IFT140: variants seen among roughly 807,000 people sequenced by gnomAD.
IFT140 encodes intraflagellar transport protein 140 homolog.
A neutral mutation model predicts 164.6 loss-of-function variants in IFT140; 133 were observed. The ratio of observed to expected loss-of-function variants is 0.81; its 90% confidence interval spans 0.70 to 0.93. The LOEUF is 0.93. Among genes scored for constraint, IFT140 ranks in the 40% least tolerant of loss-of-function variants. The probability of loss-of-function intolerance (pLI) is 0.00; values close to 1 mark genes in which losing one functional copy is unlikely to be tolerated. For synonymous variants in IFT140, 860 were observed against 817.3 expected, an observed-to-expected ratio of 1.05 and a Z score of -0.89; for missense variants, 2,045 against 1,972.3, an observed-to-expected ratio of 1.04 and a Z score of -0.70.
In IFT140 at chr16:1,592,383, C is replaced by A. The variant is rs2035225293; in HGVS notation, c.492-65G>T. The A allele has an allele frequency of 2.5e-6, 4 of 1,611,324 alleles. No homozygotes were observed. The Admixed American group carries it at 5.0e-5, about 20-fold the overall frequency. Reference sequence around the variant, plus strand: ...CTCCTACAGCACCTCAGGGCTGGGGCCCCTCCTGGGTCAGGAGCAGCCCGC... The same window carrying A: ...CTCCTACAGCACCTCAGGGCTGGGGACCCTCCTGGGTCAGGAGCAGCCCGC... On this transcript the variant is annotated intron_variant, in intron 5 of 30. Transcript: ENST00000426508.
intron 10 of IFT140, among the ~76,000 whole-genome samples, chr16:1,585,924 C>A (rs1355825485): frequency 1.3e-5 from 2 of 152,096 alleles, no homozygotes; most frequent in African/African-American, 4.8e-5. Context: ...GCGCCCGCCA[C>A]CACGCCCGGC....
chr16:1,516,039 C>T (rs1427244207), intron 30 of IFT140, among the ~76,000 whole-genome samples: 1 of 150,296 alleles, frequency 6.7e-6, no homozygotes, highest in African/African-American at 2.4e-5. Context: ...ACTCCGGAGG[C>T]TGAGGCAGGA....
chr16:1,573,194 A>AT (rs1252580806), intron 13 of IFT140, among the ~76,000 whole-genome samples: 2 of 152,198 alleles, frequency 1.3e-5, no homozygotes, highest in African/African-American at 4.8e-5. Context: ...GGAGCCTAAT[A>AT]AATGCTTATG....
intron 4 of IFT140, among the ~76,000 whole-genome samples, chr16:1,594,981 G>T (rs1455893316): frequency 1.3e-5 from 2 of 152,218 alleles, no homozygotes; most frequent in Admixed American, 6.5e-5. Context: ...TTCAAATAAT[G>T]TCAGATTTAA....
chr16:1,566,072 C>A, intron 16 of IFT140, 89 bp downstream of exon 16: 2 of 1,316,194 alleles, frequency 1.5e-6, no homozygotes, highest in Non-Finnish European at 2.1e-6. Flanking sequence ...CTTTTGAAGG[C>A]GCGTTAACTT....
chr16:1,603,941 G>C (rs986243931), intron 3 of IFT140, among the ~76,000 whole-genome samples: 8 of 152,134 alleles, frequency 5.3e-5, no homozygotes, highest in Non-Finnish European at 8.8e-5. Flanking sequence ...TTGAAATCCT[G>C]AAGTTTTCCT....
rs996245828 is a variant in IFT140 at position 1,526,252 on chromosome 16, C to T, written c.2578-175G>A. On this transcript the variant is annotated intron_variant, in intron 20 of 30. Coordinates refer to ENST00000426508, the MANE Select transcript of IFT140 (RefSeq NM_014714.4). ...ACACCCACGGGGCATCCCCGTCCCACGGCTGGAGAGTGAGATGCACCACCA... is the reference window on the plus strand; with the variant it reads ...ACACCCACGGGGCATCCCCGTCCCATGGCTGGAGAGTGAGATGCACCACCA... 1.5e-4 allele frequency: 97 copies of T among 654,728 alleles called. 2 individuals are homozygous for T. The highest frequency in any genetic ancestry group is 1.5e-3 in the South Asian group (75 of 51,694). 40.6% of individuals were successfully genotyped at this position (654,728 alleles called of 1,614,324 possible).
chr16:1,537,798 C>T (rs920848494), intron 19 of IFT140, among the ~76,000 whole-genome samples: 3 of 152,206 alleles, frequency 2.0e-5, no homozygotes, highest in Non-Finnish European at 4.4e-5. Context: ...GGCAGGCGAG[C>T]CAGAGCCTGG....
Position 1,523,863 on chromosome 16 carries a change from C to T in IFT140, c.3235G>A (p.Val1079Met), listed in dbSNP as rs146537096. 30 of 1,613,490 alleles carry T rather than the reference C, an allele frequency of 1.9e-5. No homozygotes were observed. The highest frequency in any genetic ancestry group is 1.7e-4 in the Middle Eastern group (1 of 6,060). The part of the protein sequence containing the change: ...EAARYYEEKG[V>M]QMDRAVMLYH... ...AGCATGACCGCCCTGTCCATCTGCA[C>T]GCCCTTCTCCTCGTAGTATCGGGCC... Residue 1079 changes from valine (V) to methionine (M), a missense_variant, in exon 25 of 31, where the codon GTG becomes ATG. By Grantham distance (21) the Val-to-Met change is conservative. Transcript: ENST00000426508.
In IFT140 at chr16:1,531,461, T is replaced by C. The variant is rs1003074311; in HGVS notation, c.2400-4665A>G. 6 of 152,286 alleles carry C rather than the reference T, an allele frequency of 3.9e-5. No homozygotes were observed. Among genetic ancestry groups the C allele is most frequent in the Middle Eastern group, 3.4e-3 (1 of 296 alleles). The allele number at this position is 152,286 out of a possible 1,614,324, so 9.4% of individuals were successfully genotyped here. ...TAGGGCTCCCGCTCTGCTGGGTATA[T>C]GGGAGCCGCAGGCACATATGTGGGA... On this transcript the variant is annotated intron_variant, in intron 19 of 30. Transcript: ENST00000426508. This position sits in a 1 kb window ranked among gnomAD's most constrained non-coding sequence, Gnocchi z 4.7.
intron 19 of IFT140, chr16:1,554,831 C>T (rs746141739): frequency 1.9e-6 from 3 of 1,614,108 alleles, no homozygotes; most frequent in African/African-American, 2.7e-5. Flanking sequence ...TTGGCCCATA[C>T]ACCAACCTGT....
intron 19 of IFT140, among the ~76,000 whole-genome samples, chr16:1,547,090 A>G (rs924882213): frequency 6.6e-6 from 1 of 152,240 alleles, no homozygotes; most frequent in Non-Finnish European, 1.5e-5. Flanking sequence ...ATGATGCCGA[A>G]GGCTTCTCGC....
intron 2 of IFT140, among the ~76,000 whole-genome samples, chr16:1,609,310 C>T (rs1468792872): frequency 2.0e-5 from 3 of 152,156 alleles, no homozygotes; most frequent in South Asian, 2.1e-4. Context: ...TGAAGGCAAA[C>T]GGCCCTAATT....
chr16:1,548,719 C>T (rs145629086), intron 19 of IFT140, among the ~76,000 whole-genome samples: 1 of 152,184 alleles, frequency 6.6e-6, no homozygotes, highest in Non-Finnish European at 1.5e-5. Flanking sequence ...CCATCTCCCC[C>T]ACGTAGGGAA....
intron 19 of IFT140, chr16:1,541,232 A>T: frequency 1.0e-6 from 1 of 985,432 alleles, no homozygotes; most frequent in Non-Finnish European, 1.2e-6. Context: ...GACTTAAGCC[A>T]CTGAGTGAAA....
chr16:1,536,084 A>G (rs946414375), intron 19 of IFT140, among the ~76,000 whole-genome samples: 6 of 152,228 alleles, frequency 3.9e-5, no homozygotes, highest in Non-Finnish European at 8.8e-5. Context: ...CGTCCAGCCC[A>G]CAGAGCACCC....
chr16:1,584,761 GACAGGAAGTTT>G (rs1160152001), intron 10 of IFT140, among the ~76,000 whole-genome samples: 1 of 152,188 alleles, frequency 6.6e-6, no homozygotes, highest in Non-Finnish European at 1.5e-5. Flanking sequence ...TTTATAAACA[GACAGGAAGTTT>G]ACATAATGGA....
intron 13 of IFT140, among the ~76,000 whole-genome samples, chr16:1,571,830 A>G (rs544574050): frequency 3.3e-5 from 5 of 152,218 alleles, no homozygotes; most frequent in Admixed American, 3.3e-4. Flanking sequence ...TCGACAAACA[A>G]ATACATATGT....
At chr16:1,579,297 G>A (rs537416196) in intron 13 of IFT140, 3 of 152,142 alleles carry the variant, frequency 2.0e-5, no homozygotes, top group Non-Finnish European at 2.9e-5. Flanking sequence ...GCTGATCTTG[G>A]TGTCTCGGGG....
Sources: gnomAD v4.1 joint callset for allele counts (sites outside exome capture counted in the v4.1 genomes callset) on GRCh38, gnomAD v4.1.1 for gene constraint, Gnocchi (gnomAD v3.1) non-coding constraint, MANE v1.5 for transcripts, NCBI Gene and HGNC (gene_info 2026-07-23, HGNC 2026-07-21) for gene names.